The following GTF3C1 variants were observed in gnomAD, a reference collection of about 807,000 sequenced individuals.
GTF3C1 encodes the protein general transcription factor IIIC subunit 1.
GTF3C1 carries 57 observed loss-of-function variants against 226.7 expected under a neutral mutation model. The ratio of observed to expected loss-of-function variants is 0.25; its 90% CI spans 0.20 to 0.31. GTF3C1 has a LOEUF of 0.31. Ranked by LOEUF, GTF3C1 falls within the 10% of genes least tolerant of loss-of-function variation. The pLI is 1.00. For missense variants in GTF3C1, 2,217 were observed against 2,776.1 expected (o/e 0.80, Z 4.53); for synonymous variants, 1,090 against 1,084.8 (o/e 1.00, Z -0.09).
At position 27,498,958 on chromosome 16, in the gene GTF3C1, C is replaced by T. The variant is rs193151662; in HGVS notation, c.2062-225G>A. On this transcript the variant is annotated intron_variant, in intron 12 of 36. Transcript: ENST00000356183. ...AGCGATCAGGCTCTGCCATGGGTGC[C>T]GGGGCTGCTCGGTCCCACTGAGAAA... Among the ~76,000 whole-genome samples the T allele has an allele frequency of 8.5e-4, 130 of 152,280 alleles. 1 individual carries two copies. The highest frequency in any genetic ancestry group is 3.7e-4 in the Non-Finnish European group (25 of 68,016).
Position 27,470,152 on chromosome 16 carries a change from G to A in GTF3C1, c.4770C>T (p.Ile1590=). The change falls in exon 31 of 37, where the codon ATC becomes ATT. Residue 1590 remains isoleucine (I), a synonymous_variant. Transcript: ENST00000356183. The surrounding 1 kb of genome is among the most constrained non-coding windows in gnomAD (Gnocchi z 4.9). The part of the protein sequence containing the change: ...ISVDVRIPEQ[I]IVVDSSMVEN... The stretch of plus-strand genomic sequence containing the variant: ...CCACCATTGAGCTGTCTACCACGAT[G>A]ATCTGCTCCGGGATCCTGACATCCA... 3 of 1,613,966 alleles carry A rather than the reference G, an allele frequency of 1.9e-6. No individual in the cohort carries two copies. In the South Asian group the frequency reaches 3.3e-5, roughly 18 times the overall value.
At position 27,495,297 on chromosome 16, in the gene GTF3C1, G is replaced by A; in HGVS notation, c.2546C>T (p.Ala849Val). 6.2e-7 allele frequency: 1 copy of A among 1,613,266 alleles called. No individual in the cohort carries two copies. Among genetic ancestry groups the A allele is most frequent in the South Asian group, 1.1e-5 (1 of 91,054 alleles). Residue 849 changes from alanine (A) to valine (V), a missense_variant, in exon 15 of 37, where the codon GCC becomes GTC. Physicochemically the swap from Ala to Val is moderately conservative, Grantham distance 64. Transcript: ENST00000356183. ...TGGGGCTTCAGAGCAGGCCTCCCAG[G>A]CACTTCCAGAGGAGGACGGCCGGAC... is the stretch of plus-strand genomic sequence containing the variant. The part of the protein sequence containing the change: ...AGVRPSSSGS[A>V]WEACSEAPSK...
intron 2 of GTF3C1, among the ~76,000 whole-genome samples, chr16:27,544,302 C>G (rs560849379): frequency 6.6e-6 from 1 of 151,756 alleles, no homozygotes; most frequent in Non-Finnish European, 1.5e-5. Context: ...GGAAGATCAC[C>G]TGAGCCCAGG....
At position 27,463,326 on chromosome 16, in the gene GTF3C1, T is replaced by G; in HGVS notation, c.5924+215A>C. The G allele has an allele frequency of 1.7e-6, 1 of 594,308 alleles. No homozygotes were observed. Among genetic ancestry groups the G allele is most frequent in the Admixed American group, 2.9e-5 (1 of 33,936 alleles). The allele number at this position is 594,308 out of a possible 1,614,324, so 36.8% of individuals were successfully genotyped here. A position where few individuals can be genotyped will look rare whatever the true frequency, so the allele number is the denominator to read the frequency against. ...CCTGGGCATTCTGGAAGCGCAGCCCTCATTCCAGGCCGACCTGGGCACTGC... is the reference window on the plus strand; with the variant it reads ...CCTGGGCATTCTGGAAGCGCAGCCCGCATTCCAGGCCGACCTGGGCACTGC... On this transcript the variant is annotated intron_variant, in intron 35 of 36. Coordinates refer to ENST00000356183, the MANE Select transcript of GTF3C1 (RefSeq NM_001520.4). This position sits in a 1 kb window ranked among gnomAD's most constrained non-coding sequence, Gnocchi z 4.9.
chr16:27,469,327 G>A lies in GTF3C1; in HGVS notation c.5038C>T (p.Arg1680Cys), dbSNP rs2087829971. ...VNSCQMKFQL[R>C]CTPVPARLRP... ...AGCCGGGCGGGCACAGGGGTGCAGC[G>A]GAGCTGGAACTTCATCTGGCAGGAG... The change falls in exon 32 of 37, where the codon CGC (arginine) becomes TGC (cysteine). Residue 1680 changes from arginine to cysteine, a missense_variant. Arg to Cys is a radical substitution (Grantham distance 180, BLOSUM62 -3). This residue lies in a region of GTF3C1 where 455 missense variants were observed against 441.9 expected (regional missense o/e 1.03). Transcript: ENST00000356183. The surrounding 1 kb of genome is among the most constrained non-coding windows in gnomAD (Gnocchi z 4.5). The A allele has an allele frequency of 5.0e-6, 8 of 1,584,858 alleles. No homozygotes were observed. The highest frequency in any genetic ancestry group is 5.2e-6 in the Non-Finnish European group (6 of 1,165,008).
At chr16:27,540,274 A>C (rs114867314) in intron 2 of GTF3C1, among the ~76,000 whole-genome samples, 2 of 152,240 alleles carry the variant, frequency 1.3e-5, no homozygotes, top group African/African-American at 4.8e-5. Flanking sequence ...TGCGTCTTCA[A>C]AAAGAATGTT....
chr16:27,513,942 C>T (rs1215008561), intron 6 of GTF3C1, among the ~76,000 whole-genome samples: 1 of 152,164 alleles, frequency 6.6e-6, no homozygotes, highest in Non-Finnish European at 1.5e-5. Context: ...CGAGGAAAGT[C>T]AGGCCCAACC....
intron 1 of GTF3C1, among the ~76,000 whole-genome samples, chr16:27,546,485 T>TTA (rs1555505898): frequency 5.3e-3 from 468 of 88,034 alleles, no homozygotes; most frequent in Non-Finnish European, 6.5e-3. Context: ...TTTTTTTTTT[T>TTA]GAAAAAAAAA....
rs1010142065 is a variant in GTF3C1 at position 27,464,569 on chromosome 16, C to T, written c.5623G>A (p.Ala1875Thr). The change falls in exon 34 of 37, where the codon GCC becomes ACC. Residue 1875 changes from alanine (A) to threonine (T), a missense_variant. Ala to Thr is a moderately conservative substitution (Grantham distance 58). Coordinates refer to ENST00000356183, the MANE Select transcript of GTF3C1 (RefSeq NM_001520.4). ...GCAGGGGTCATCTGGGTGCCCTCGGCGTCGGTCTCCCCATTCTCACTGGCC... is the reference window on the plus strand; with the variant it reads ...GCAGGGGTCATCTGGGTGCCCTCGGTGTCGGTCTCCCCATTCTCACTGGCC... ...SWASENGETD[A>T]EGTQMTPAKR... 34 of 1,490,274 alleles carry T rather than the reference C, an allele frequency of 2.3e-5. 1 individual carries two copies. In the Middle Eastern group the frequency reaches 7.2e-4, roughly 32 times the overall value. 92.3% of individuals were successfully genotyped at this position (1,490,274 alleles called of 1,614,324 possible).
rs1188448229 is a variant in GTF3C1 at position 27,461,166 on chromosome 16, C to A, written c.*184G>T. ...CCTGGGGGATGGGCAGGTCGGGGAG[C>A]CCCTCTTTCCAGAGTTCCAGTACAG... On this transcript the variant is annotated 3_prime_UTR_variant, in exon 37 of 37. Transcript: ENST00000356183. The surrounding 1 kb of genome is among the most constrained non-coding windows in gnomAD (Gnocchi z 5.3). 3.6e-6 allele frequency: 2 copies of A among 550,732 alleles called. No homozygotes were observed. Among genetic ancestry groups the A allele is most frequent in the Non-Finnish European group, 3.2e-6 (1 of 307,950 alleles). The allele number at this position is 550,732 out of a possible 1,614,324, so 34.1% of individuals were successfully genotyped here.
chr16:27,469,364 G>A lies in GTF3C1; in HGVS notation c.5001C>T (p.Ser1667=), dbSNP rs1308870595. 1 of 1,609,076 alleles carries A rather than the reference G, an allele frequency of 6.2e-7. No individual in the cohort carries two copies. The change falls in exon 32 of 37, where the codon AGC becomes AGT. Residue 1667 remains serine (S), a synonymous_variant. Transcript: ENST00000356183. The surrounding 1 kb of genome is among the most constrained non-coding windows in gnomAD (Gnocchi z 4.5). ...TCATCTGGCAGGAGTTGACCACAATGCTGTCGTTGGGGTTGAGGTTGCGGG... is the reference window on the plus strand; with the variant it reads ...TCATCTGGCAGGAGTTGACCACAATACTGTCGTTGGGGTTGAGGTTGCGGG... The part of the protein sequence containing the change: ...VSTRNLNPND[S]IVVNSCQMKF...
chr16:27,491,129 A>C (rs1158517505), intron 19 of GTF3C1, among the ~76,000 whole-genome samples: 4 of 152,220 alleles, frequency 2.6e-5, no homozygotes, highest in Non-Finnish European at 5.9e-5. Context: ...GGACCCATGA[A>C]AGTTTCTAAA....
rs2089021139 is a variant in GTF3C1 at position 27,537,663 on chromosome 16, C to T, written c.752+121G>A. The T allele has an allele frequency of 4.4e-6, 3 of 682,786 alleles. No individual in the cohort carries two copies. The South Asian group carries it at 6.5e-5, about 15-fold the overall frequency. 42.3% of individuals were successfully genotyped at this position (682,786 alleles called of 1,614,324 possible). Reference sequence around the variant, plus strand: ...CCTCAAGCAGTTCTCCCACCTCAGCCTCCCAAAGGGCTATGATTACAGGTA... The same window carrying T: ...CCTCAAGCAGTTCTCCCACCTCAGCTTCCCAAAGGGCTATGATTACAGGTA... On this transcript the variant is annotated intron_variant, in intron 4 of 36. Coordinates refer to ENST00000356183, the MANE Select transcript of GTF3C1 (RefSeq NM_001520.4).
chr16:27,463,850 A>G lies in GTF3C1; in HGVS notation c.5873-258T>C. The G allele has an allele frequency of 1.9e-6, 1 of 522,746 alleles. No homozygotes were observed. Among genetic ancestry groups the G allele is most frequent in the Non-Finnish European group, 3.3e-6 (1 of 298,936 alleles). The allele number at this position is 522,746 out of a possible 1,614,324, so 32.4% of individuals were successfully genotyped here. A position where few individuals can be genotyped will look rare whatever the true frequency, so the allele number is the denominator to read the frequency against. ...GCCCCACATTGCAGGAAGCCAGCGAACACCTCATTTTCCACCCAGAAGCCC... is the reference window on the plus strand; with the variant it reads ...GCCCCACATTGCAGGAAGCCAGCGAGCACCTCATTTTCCACCCAGAAGCCC... On this transcript the variant is annotated intron_variant, in intron 34 of 36. Transcript: ENST00000356183. This position sits in a 1 kb window ranked among gnomAD's most constrained non-coding sequence, Gnocchi z 4.9.
At position 27,495,122 on chromosome 16, in the gene GTF3C1, A is replaced by G. The variant is rs2088295942; in HGVS notation, c.2632+89T>C. 2.9e-6 allele frequency: 3 copies of G among 1,026,786 alleles called. No homozygotes were observed. The South Asian group carries it at 4.4e-5, about 15-fold the overall frequency. The allele number at this position is 1,026,786 out of a possible 1,614,324, so 63.6% of individuals were successfully genotyped here. On this transcript the variant is annotated intron_variant, in intron 15 of 36. Coordinates refer to ENST00000356183, the MANE Select transcript of GTF3C1 (RefSeq NM_001520.4). ...TTGGATCAGAGGCTGCAGCCAGTTT[A>G]TATAAGGAAAAGGAACTATCATGTT... is the stretch of plus-strand genomic sequence containing the variant.
Position 27,478,492 on chromosome 16 carries a change from G to T in GTF3C1, c.4236C>A (p.Thr1412=). 1 of 1,610,144 alleles carries T rather than the reference G, an allele frequency of 6.2e-7. No homozygotes were observed. The highest frequency in any genetic ancestry group is 8.5e-7 in the Non-Finnish European group (1 of 1,176,456). ...ACCTGTTAAGTTCATCCTCTTTCCT[G>T]GTTTGATCTTTTTCATCCCCAATTG... ...VLAIGDEKDQ[T]RKEDELNSVD... The change falls in exon 28 of 37, where the codon ACC becomes ACA. Residue 1412 remains threonine, a synonymous_variant. Coordinates refer to ENST00000356183, the MANE Select transcript of GTF3C1 (RefSeq NM_001520.4).
In GTF3C1 at chr16:27,488,252, C is replaced by T; in HGVS notation, c.3675G>A (p.Gly1225=). ...CTTTCTTCTTTCTCTTGATCTTCTT[C>T]CCAGGGTCCTTCTTCAGCCGCTTCC... The part of the protein sequence containing the change: ...QKRKRLKKDP[G]KKIKRKKKGE... Residue 1225 remains glycine, a synonymous_variant, in exon 23 of 37, where the codon GGG becomes GGA. Transcript: ENST00000356183. 6.2e-7 allele frequency: 1 copy of T among 1,614,170 alleles called. No individual in the cohort carries two copies. Among genetic ancestry groups the T allele is most frequent in the Non-Finnish European group, 8.5e-7 (1 of 1,180,006 alleles).
chr16:27,548,937 T>G (rs1179750927), intron 1 of GTF3C1, among the ~76,000 whole-genome samples: 3 of 152,176 alleles, frequency 2.0e-5, no homozygotes, highest in Non-Finnish European at 4.4e-5. Flanking sequence ...GCGGATTGTC[T>G]GAGGTCAGGA....
chr16:27,498,658 G>T lies in GTF3C1; in HGVS notation c.2137C>A (p.Arg713=). 1 of 1,601,134 alleles carries T rather than the reference G, an allele frequency of 6.2e-7. No individual in the cohort carries two copies. ...VRSAIEQVRF[R]ISNSSTANRV... ...TTGGCTGTGCTTGAATTGGAGATCC[G>T]GAAGCGGACCTGCTCGATGGCACTT... Residue 713 remains arginine (R), a synonymous_variant, in exon 13 of 37, where the codon CGG becomes AGG. Coordinates refer to ENST00000356183, the MANE Select transcript of GTF3C1 (RefSeq NM_001520.4).
Sources: allele counts gnomAD v4.1 joint callset (sites outside exome capture counted in the v4.1 genomes callset), GRCh38; gene constraint gnomAD v4.1.1; regional missense constraint gnomAD v4.1.1; non-coding constraint Gnocchi (gnomAD v3.1); transcripts MANE v1.5; gene names NCBI Gene and HGNC (gene_info 2026-07-23, HGNC 2026-07-21).